Variants in CNEP1R1 observed in about 807,000 individuals in gnomAD.
The protein encoded by CNEP1R1 is nuclear envelope phosphatase-regulatory subunit 1.
Under a neutral mutation model 22.7 loss-of-function variants are expected in CNEP1R1, and 10 were observed. The observed-to-expected ratio is 0.44, with a 90% CI of 0.27 to 0.75. CNEP1R1 has a LOEUF of 0.75. Among genes scored for constraint, CNEP1R1 ranks in the 30% least tolerant of loss-of-function variants. The probability of loss-of-function intolerance (pLI) is 0.17; values close to 1 mark genes in which losing one functional copy is unlikely to be tolerated. For missense variants in CNEP1R1, 73 were observed against 151.5 expected (o/e 0.48, Z 2.72); for synonymous variants, 53 against 50.1 (o/e 1.06, Z -0.25).
chr16:50,028,617 T>C (rs967035038), intron 2 of CNEP1R1, among the ~76,000 whole-genome samples: 4 of 152,214 alleles, frequency 2.6e-5, no homozygotes, highest in Non-Finnish European at 5.9e-5. Flanking sequence ...TCTTATAAAA[T>C]GTGATATAAA....
chr16:50,028,283 G>C (rs1453328659), intron 2 of CNEP1R1, among the ~76,000 whole-genome samples: 2 of 152,082 alleles, frequency 1.3e-5, no homozygotes, highest in African/African-American at 4.8e-5. Context: ...TTTCCTAGAT[G>C]GTCATTATTT....
At chr16:50,025,678 C>T (rs1031362698) in intron 1 of CNEP1R1, 2 of 1,613,794 alleles carry the variant, frequency 1.2e-6, no homozygotes, top group Non-Finnish European at 1.7e-6. Flanking sequence ...CTGATTCCTG[C>T]GGTGGTTTCC....
In CNEP1R1 at chr16:50,036,164, G is replaced by A. The variant is rs1255007962; in HGVS notation, c.*706G>A. 1 of 145,084 alleles carries A rather than the reference G, an allele frequency of 6.9e-6. No homozygotes were observed. The highest frequency in any genetic ancestry group is 1.5e-5 in the Non-Finnish European group (1 of 66,778). The allele number at this position is 145,084 out of a possible 1,614,324, so 9.0% of individuals were successfully genotyped here. ...TTTTTTTTTTTTTTTTTTTTAGACGGAGTCTCGCTCTGTTGCCAGGCTGGA... is the reference window on the plus strand; with the variant it reads ...TTTTTTTTTTTTTTTTTTTTAGACGAAGTCTCGCTCTGTTGCCAGGCTGGA... On this transcript the variant is annotated 3_prime_UTR_variant, in exon 6 of 6. Transcript: ENST00000427478.
chr16:50,033,124 G>GT (rs1328057242), intron 3 of CNEP1R1, among the ~76,000 whole-genome samples: 1 of 152,070 alleles, frequency 6.6e-6, no homozygotes, highest in Non-Finnish European at 1.5e-5. Context: ...TGATAGGGTT[G>GT]TTTTTTGATT....
intron 1 of CNEP1R1, 104 bp from the exon 2 acceptor site, chr16:50,026,292 A>T: frequency 2.7e-6 from 2 of 741,792 alleles, no homozygotes; most frequent in Non-Finnish European, 4.7e-6. Flanking sequence ...GACCTGAAGC[A>T]GTTAAGAGTA....
intron 1 of CNEP1R1, chr16:50,025,835 C>G: frequency 1.4e-6 from 1 of 703,020 alleles, no homozygotes; most frequent in Non-Finnish European, 2.5e-6. Context: ...ACGAAGATCA[C>G]CTGTACCCCT....
chr16:50,033,836 C>T (rs1057003223), intron 4 of CNEP1R1, among the ~76,000 whole-genome samples: 4 of 148,218 alleles, frequency 2.7e-5, no homozygotes, highest in Admixed American at 2.0e-4. Flanking sequence ...TGCACTCCAG[C>T]CTGGGCGACA....
chr16:50,025,368 C>A (rs9934704), intron 1 of CNEP1R1, 28 bp downstream of exon 1: 1,281,186 of 1,434,038 alleles, frequency 0.89, 572,927 homozygotes, highest in East Asian at 1. Flanking sequence ...GGCCCGTCCC[C>A]CGTCTCCCCT....
chr16:50,028,662 C>T (rs1439241428), intron 2 of CNEP1R1, among the ~76,000 whole-genome samples: 3 of 152,148 alleles, frequency 2.0e-5, no homozygotes, highest in African/African-American at 7.2e-5. Context: ...ATGGTCTTAG[C>T]ACTTACTTGG....
chr16:50,029,223 C>G (rs138834174), intron 2 of CNEP1R1, among the ~76,000 whole-genome samples: 2 of 152,068 alleles, frequency 1.3e-5, no homozygotes, highest in Non-Finnish European at 2.9e-5. Flanking sequence ...AAAGAAAATC[C>G]GATACTAACT....
chr16:50,034,269 T>C, intron 5 of CNEP1R1, 113 bp downstream of exon 5: 2 of 690,842 alleles, frequency 2.9e-6, no homozygotes, highest in South Asian at 1.6e-5. Context: ...GAATGAATAG[T>C]GAGAATATAC....
At chr16:50,026,749 C>T (rs2036187461) in intron 2 of CNEP1R1, 2 of 331,696 alleles carry the variant, frequency 6.0e-6, no homozygotes, top group East Asian at 5.9e-5. Flanking sequence ...CCCAGGCAGG[C>T]GGATCACCTA....
chr16:50,025,705 A>G, intron 1 of CNEP1R1: 1 of 1,613,266 alleles, frequency 6.2e-7, no homozygotes, highest in Non-Finnish European at 8.5e-7. Context: ...TGCCAAGGTT[A>G]GGAAGTGCTG....
In CNEP1R1 at chr16:50,025,278, G is replaced by C. The variant is rs755332610; in HGVS notation, c.-38G>C. 13 of 1,406,176 alleles carry C rather than the reference G, an allele frequency of 9.2e-6. No homozygotes were observed. Among genetic ancestry groups the C allele is most frequent in the Admixed American group, 3.4e-5 (1 of 29,418 alleles). The allele number at this position is 1,406,176 out of a possible 1,614,324, so 87.1% of individuals were successfully genotyped here. On this transcript the variant is annotated 5_prime_UTR_variant, in exon 1 of 6. Transcript: ENST00000427478. ...GCGGGGGCCGCGGAAGCTGCGATGC[G>C]GACAGGGCAGCGGCGGTGACCCGAG...
At chr16:50,028,422 T>C (rs2036205003) in intron 2 of CNEP1R1, among the ~76,000 whole-genome samples, 1 of 152,216 alleles carries the variant, frequency 6.6e-6, no homozygotes, top group African/African-American at 2.4e-5. Context: ...TCTGGCAAGA[T>C]TTTTTTGTAT....
Position 50,025,241 on chromosome 16 carries a change from G to C in CNEP1R1, c.-75G>C. ...GGAGCGGTTAGAGGTGGGAGTTGGC[G>C]CTGCGGGCCGGGCGGGGGCCGCGGA... On this transcript the variant is annotated 5_prime_UTR_variant, in exon 1 of 6. Coordinates refer to ENST00000427478, the MANE Select transcript of CNEP1R1 (RefSeq NM_001281789.2). 5 of 1,360,212 alleles carry C rather than the reference G, an allele frequency of 3.7e-6. No individual in the cohort carries two copies. The highest frequency in any genetic ancestry group is 4.7e-6 in the Non-Finnish European group (5 of 1,054,038). The allele number at this position is 1,360,212 out of a possible 1,614,324, so 84.3% of individuals were successfully genotyped here. A position where few individuals can be genotyped will look rare whatever the true frequency, so the allele number is the denominator to read the frequency against.
At chr16:50,029,901 A>G in intron 3 of CNEP1R1, 103 bp downstream of exon 3, 3 of 635,708 alleles carry the variant, frequency 4.7e-6, no homozygotes, top group Non-Finnish European at 8.3e-6. Context: ...ATTAACTACT[A>G]CTAGTGATAT....
chr16:50,033,457 A>C lies in CNEP1R1; in HGVS notation c.232A>C (p.Ile78Leu). ...TTTCACCATTAGCTGTATCACTCTA[A>C]TAGGCTTGTTCTTTGCTGGAATACA... ...PFFTISCITL[I>L]GLFFAGIHKR... is the part of the protein sequence containing the mutation. Residue 78 changes from isoleucine (I) to leucine (L), a missense_variant, in exon 4 of 6, where the codon ATA becomes CTA. By Grantham distance (5) the Ile-to-Leu change is conservative. Coordinates refer to ENST00000427478, the MANE Select transcript of CNEP1R1 (RefSeq NM_001281789.2). 6.2e-7 allele frequency: 1 copy of C among 1,604,014 alleles called. No individual in the cohort carries two copies. Among genetic ancestry groups the C allele is most frequent in the Non-Finnish European group, 8.5e-7 (1 of 1,171,532 alleles).
At chr16:50,027,006 G>T (rs2036190344) in intron 2 of CNEP1R1, 1 of 151,946 alleles carries the variant, frequency 6.6e-6, no homozygotes, top group Non-Finnish European at 1.5e-5. Context: ...TTAAATTTTT[G>T]AATTATTACA....
Sources: gnomAD v4.1 joint callset for allele counts (sites outside exome capture counted in the v4.1 genomes callset) on GRCh38, gnomAD v4.1.1 for gene constraint, MANE v1.5 for transcripts, NCBI Gene and HGNC (gene_info 2026-07-23, HGNC 2026-07-21) for gene names.